Variants in FBXL2 observed in about 807,000 individuals in gnomAD.
FBXL2 encodes the protein F-box and leucine rich repeat protein 2.
FBXL2 carries 38 observed loss-of-function variants against 69.2 expected under a neutral mutation model. The observed-to-expected ratio is 0.55, with a 90% CI of 0.42 to 0.72. The LOEUF (loss-of-function observed/expected upper bound fraction) is 0.72, where lower values mean the gene tolerates loss of function less well. Ranked by LOEUF, FBXL2 falls within the 30% of genes least tolerant of loss-of-function variation. FBXL2 has a pLI of 0.00. For missense variants in FBXL2, 354 were observed against 520.3 expected, an observed-to-expected ratio of 0.68 and a Z score of 3.11; for synonymous variants, 192 against 201.3, an observed-to-expected ratio of 0.95 and a Z score of 0.39.
chr3:33,319,782 T>A (rs2038041377), intron 2 of FBXL2, among the ~76,000 whole-genome samples: 2 of 152,188 alleles, frequency 1.3e-5, no homozygotes, highest in African/African-American at 4.8e-5. Context: ...TTGGTGCTTA[T>A]TTTGGTTCAC....
intron 2 of FBXL2, among the ~76,000 whole-genome samples, chr3:33,334,122 C>T (rs2039380498): frequency 6.6e-6 from 1 of 152,158 alleles, no homozygotes; most frequent in Non-Finnish European, 1.5e-5. Context: ...ATACTACATT[C>T]TTAACTATTC....
intron 12 of FBXL2, among the ~76,000 whole-genome samples, chr3:33,393,745 T>G (rs2043859568): frequency 6.6e-6 from 1 of 152,176 alleles, no homozygotes; most frequent in South Asian, 2.1e-4. Flanking sequence ...CTTCATATTT[T>G]TATTCAATGA....
chr3:33,415,392 C>T, the FBXL2 span, among the ~76,000 whole-genome samples: 2 of 152,098 alleles, frequency 1.3e-5, no homozygotes, highest in Non-Finnish European at 2.9e-5. Flanking sequence ...GTTAAAATTA[C>T]AAATTAGTAA....
intron 13 of FBXL2, among the ~76,000 whole-genome samples, chr3:33,381,675 T>C (rs1477969495): frequency 6.6e-6 from 1 of 151,918 alleles, no homozygotes; most frequent in East Asian, 1.9e-4. Context: ...AATATATACA[T>C]ACACAGAGAG....
chr3:33,309,876 A>G (rs2037034787), intron 2 of FBXL2, among the ~76,000 whole-genome samples: 1 of 152,178 alleles, frequency 6.6e-6, no homozygotes, highest in East Asian at 1.9e-4. Context: ...TTAATCATAT[A>G]CAGGCCAGGC....
At chr3:33,291,526 T>G (rs567127927) in intron 1 of FBXL2, among the ~76,000 whole-genome samples, 1 of 152,214 alleles carries the variant, frequency 6.6e-6, no homozygotes, top group South Asian at 2.1e-4. Context: ...TATGGACTAT[T>G]TAAAGTAGAA....
chr3:33,281,607 G>C (rs1316020685), intron 1 of FBXL2, among the ~76,000 whole-genome samples: 2 of 152,122 alleles, frequency 1.3e-5, no homozygotes, highest in Non-Finnish European at 2.9e-5. Flanking sequence ...CTAGATCCTT[G>C]AGGAATCGCC....
intron 4 of FBXL2, among the ~76,000 whole-genome samples, chr3:33,359,936 C>G (rs1030806067): frequency 2.0e-5 from 3 of 151,686 alleles, no homozygotes; most frequent in African/African-American, 7.3e-5. Flanking sequence ...TGTGGTAAAC[C>G]TGATGAAATG....
intron 12 of FBXL2, chr3:33,400,382 C>G (rs1210666254): frequency 1.2e-6 from 1 of 841,398 alleles, no homozygotes; most frequent in Non-Finnish European, 1.8e-6. Context: ...AAAAAACACC[C>G]AAAAAGAGCA....
At chr3:33,277,184 T>A (rs200274585), upstream of FBXL2, 609 of 293,042 alleles carry the variant, frequency 2.1e-3, no homozygotes, top group Middle Eastern at 4.4e-3. Flanking sequence ...AACGTTTTTT[T>A]TAAAAAAAAA....
intron 2 of FBXL2, among the ~76,000 whole-genome samples, chr3:33,326,774 G>T (rs2038732150): frequency 6.6e-6 from 1 of 152,170 alleles, no homozygotes; most frequent in Non-Finnish European, 1.5e-5. Flanking sequence ...CAAAAGAATT[G>T]AGGCTGTAGT....
intron 13 of FBXL2, among the ~76,000 whole-genome samples, chr3:33,381,347 T>C (rs527993284): frequency 1.3e-5 from 2 of 152,300 alleles, no homozygotes; most frequent in East Asian, 3.9e-4. Flanking sequence ...AATCCATATG[T>C]AAATAAAATG....
At chr3:33,340,862 C>A (rs1432783741) in intron 2 of FBXL2, among the ~76,000 whole-genome samples, 1 of 142,802 alleles carries the variant, frequency 7.0e-6, no homozygotes, top group Non-Finnish European at 1.5e-5. Context: ...CCACTGCACT[C>A]CAGCCTAGGT....
chr3:33,354,060 G>T (rs1269275112), intron 2 of FBXL2, among the ~76,000 whole-genome samples: 1 of 152,092 alleles, frequency 6.6e-6, no homozygotes, highest in Non-Finnish European at 1.5e-5. Flanking sequence ...GAACTTTGTT[G>T]TAAACTATAG....
At chr3:33,348,457 T>C (rs1270136016) in intron 2 of FBXL2, among the ~76,000 whole-genome samples, 1 of 152,206 alleles carries the variant, frequency 6.6e-6, no homozygotes, top group African/African-American at 2.4e-5. Flanking sequence ...TCCAGTTTTG[T>C]TCTTTTTGCT....
chr3:33,392,710 C>A, downstream of FBXL2: 1 of 1,218,368 alleles, frequency 8.2e-7, no homozygotes, highest in Non-Finnish European at 1.2e-6. Flanking sequence ...CAAACAAACA[C>A]AGGACTCAAT....
the FBXL2 span, among the ~76,000 whole-genome samples, chr3:33,410,382 G>A: frequency 6.6e-6 from 1 of 151,864 alleles, no homozygotes; most frequent in African/African-American, 2.4e-5. Flanking sequence ...GCCAGGTCTT[G>A]TATCACTTTG....
chr3:33,346,134 G>A (rs2040414966), intron 2 of FBXL2, among the ~76,000 whole-genome samples: 1 of 152,154 alleles, frequency 6.6e-6, no homozygotes, highest in Non-Finnish European at 1.5e-5. Flanking sequence ...GGGTGAGGCA[G>A]GAGAATCGCT....
At chr3:33,376,776 G>A (rs1371279381) in intron 10 of FBXL2, among the ~76,000 whole-genome samples, 1 of 152,120 alleles carries the variant, frequency 6.6e-6, no homozygotes, top group African/African-American at 2.4e-5. Flanking sequence ...CGAGGTGGGT[G>A]GATTACCTGA....
Sources: allele counts gnomAD v4.1 joint callset (sites outside exome capture counted in the v4.1 genomes callset), GRCh38; gene constraint gnomAD v4.1.1; transcripts MANE v1.5; gene names NCBI Gene and HGNC (gene_info 2026-07-23, HGNC 2026-07-21).